BLOC1S3: variants seen among roughly 807,000 people sequenced by gnomAD.
BLOC1S3 encodes biogenesis of lysosome-related organelles complex 1 subunit 3.
A neutral mutation model predicts 9.1 loss-of-function variants in BLOC1S3; 7 were observed. The ratio of observed to expected loss-of-function variants is 0.77; its 90% CI spans 0.44 to 1.45. BLOC1S3 has a LOEUF of 1.45. Among genes scored for constraint, BLOC1S3 ranks in the 40% most tolerant of loss-of-function variants. The probability of loss-of-function intolerance (pLI) is 0.01; values close to 1 mark genes in which losing one functional copy is unlikely to be tolerated. For missense variants in BLOC1S3, 307 were observed against 315.2 expected, an observed-to-expected ratio of 0.97 and a Z score of 0.20; for synonymous variants, 145 against 158.4, an observed-to-expected ratio of 0.92 and a Z score of 0.64.
chr19:45,187,872 T>TA lies in BLOC1S3; in HGVS notation n.180+134dup, dbSNP rs557891990. 198 of 152,264 alleles carry TA rather than the reference T, an allele frequency of 1.3e-3. 1 individual carries two copies. The highest frequency in any genetic ancestry group is 4.6e-3 in the African/African-American group (192 of 41,526). 9.4% of individuals were successfully genotyped at this position (152,264 alleles called of 1,614,324 possible). A position where few individuals can be genotyped will look rare whatever the true frequency, so the allele number is the denominator to read the frequency against. ...CCCTCCCGTGCACTTTATTTTTTTT[T>TA]AATTTTTTAATTTTTTGTGGGTACA... On this transcript the variant is annotated intron_variant and non_coding_transcript_variant, in intron 2 of 3. Coordinates refer to the BLOC1S3 transcript ENST00000591569.
rs1969478267 is a variant in BLOC1S3, at chr19:45,179,550, T to A, written c.254T>A (p.Val85Glu). 6.6e-7 allele frequency: 1 copy of A among 1,519,404 alleles called. No individual in the cohort carries two copies. Among genetic ancestry groups the A allele is most frequent in the African/African-American group, 1.4e-5 (1 of 70,334 alleles). 94.1% of individuals were successfully genotyped at this position (1,519,404 alleles called of 1,614,324 possible). ...AAPRDLPPLV[V>E]QRESAEEAWG... ...CCGAGGGACCTGCCTCCACTCGTGG[T>A]GCAGCGGGAATCGGCGGAGGAGGCC... Residue 85 changes from valine (V) to glutamate (E), a missense_variant, in exon 2 of 2, where the codon GTG (valine) becomes GAG (glutamate). Transcript: ENST00000433642. The surrounding 1 kb of genome is among the most constrained non-coding windows in gnomAD (Gnocchi z 4.6).
At chr19:45,196,401 A>G (rs1478809553) in intron 2 of BLOC1S3, among the ~76,000 whole-genome samples, 4 of 151,940 alleles carry the variant, frequency 2.6e-5, no homozygotes, top group Non-Finnish European at 5.9e-5. Context: ...CATGGTGTCC[A>G]TGGTCCAGGT....
intron 3 of BLOC1S3, among the ~76,000 whole-genome samples, chr19:45,208,444 TAAAAATACAAAAATTA>T (rs889091403): frequency 6.6e-6 from 1 of 151,700 alleles, no homozygotes; most frequent in Non-Finnish European, 1.5e-5. Flanking sequence ...CTGTCTCTGC[TAAAAATACAAAAATTA>T]GCTGGGCGTG....
At chr19:45,200,289 C>G (rs1379079377) in intron 2 of BLOC1S3, among the ~76,000 whole-genome samples, 2 of 151,748 alleles carry the variant, frequency 1.3e-5, no homozygotes, top group African/African-American at 4.8e-5. Flanking sequence ...TCATGCCATC[C>G]TCCTGCCTCA....
At chr19:45,204,878 T>C (rs902348391) in intron 3 of BLOC1S3, among the ~76,000 whole-genome samples, 5 of 151,396 alleles carry the variant, frequency 3.3e-5, no homozygotes, top group African/African-American at 4.8e-5. Context: ...ATTACAGGCA[T>C]GCACCACCAT....
chr19:45,206,725 G>A (rs556016569), intron 3 of BLOC1S3, among the ~76,000 whole-genome samples: 2 of 151,198 alleles, frequency 1.3e-5, no homozygotes, highest in South Asian at 4.2e-4. Context: ...CCTCCCAAAG[G>A]GCTAGGATTA....
chr19:45,215,231 G>A (rs1969820476), intron 3 of BLOC1S3, among the ~76,000 whole-genome samples: 2 of 152,158 alleles, frequency 1.3e-5, no homozygotes, highest in Admixed American at 1.3e-4. Flanking sequence ...CCATTCGTGG[G>A]AAGCCGAGGC....
chr19:45,179,497 G>C lies in BLOC1S3; in HGVS notation c.201G>C (p.Pro67=), dbSNP rs559013816. 1.3e-6 allele frequency: 2 copies of C among 1,523,464 alleles called. No homozygotes were observed. The highest frequency in any genetic ancestry group is 1.8e-6 in the Non-Finnish European group (2 of 1,142,624). The allele number at this position is 1,523,464 out of a possible 1,614,324, so 94.4% of individuals were successfully genotyped here. The change falls in exon 2 of 2, where the codon CCG becomes CCC. Residue 67 remains proline (P), a synonymous_variant. Coordinates refer to ENST00000433642, the MANE Select transcript of BLOC1S3 (RefSeq NM_212550.5). The surrounding 1 kb of genome is among the most constrained non-coding windows in gnomAD (Gnocchi z 4.6). The stretch of plus-strand genomic sequence containing the variant: ...AAGCCGCGGAGACCGACTCGGAGCC[G>C]GAGCCGGAGCCGGAACCGACGGCCG... ...AGEAAETDSE[P]EPEPEPTAAP...
intron 3 of BLOC1S3, among the ~76,000 whole-genome samples, chr19:45,209,347 C>A (rs1969750680): frequency 6.6e-6 from 1 of 152,120 alleles, no homozygotes. Context: ...CTGCGCCTGA[C>A]CAACTACAGT....
rs767819779 is a variant in BLOC1S3, at chr19:45,179,348, G to C, written c.52G>C (p.Val18Leu). 3 of 1,587,262 alleles carry C rather than the reference G, an allele frequency of 1.9e-6. No homozygotes were observed. The highest frequency in any genetic ancestry group is 1.1e-5 in the South Asian group (1 of 89,114). The stretch of plus-strand genomic sequence containing the variant: ...GCCCCTGCGGAGGCCGGAGACGGTG[G>C]TGCCGGGGGAGGCGACCGAGACGGA... ...RRPLRRPETV[V>L]PGEATETDSE... The change falls in exon 2 of 2, where the codon GTG becomes CTG. Residue 18 changes from valine to leucine, a missense_variant. Coordinates refer to ENST00000433642, the MANE Select transcript of BLOC1S3 (RefSeq NM_212550.5). The surrounding 1 kb of genome is among the most constrained non-coding windows in gnomAD (Gnocchi z 4.6).
At chr19:45,213,750 G>C (rs1969804128) in intron 3 of BLOC1S3, among the ~76,000 whole-genome samples, 2 of 151,524 alleles carry the variant, frequency 1.3e-5, no homozygotes, top group African/African-American at 4.8e-5. Context: ...TTCGAGACCA[G>C]CCTGGCCAAC....
rs773311661 is a variant in BLOC1S3 at position 45,179,784 on chromosome 19, C to A, written c.488C>A (p.Ala163Glu). 32 of 1,567,304 alleles carry A rather than the reference C, an allele frequency of 2.0e-5. No homozygotes were observed. The highest frequency in any genetic ancestry group is 2.6e-5 in the Non-Finnish European group (30 of 1,162,560). The part of the protein sequence containing the change: ...GLAAAHSVRL[A>E]RGDLCALAER... The stretch of plus-strand genomic sequence containing the variant: ...GCGGCGGCCCACAGCGTGCGCCTGG[C>A]GCGCGGGGACCTTTGTGCGCTGGCC... Residue 163 changes from alanine (A) to glutamate (E), a missense_variant, in exon 2 of 2, where the codon GCG becomes GAG. Physicochemically the swap from Ala to Glu is moderately radical, Grantham distance 107. Coordinates refer to ENST00000433642, the MANE Select transcript of BLOC1S3 (RefSeq NM_212550.5). This position sits in a 1 kb window ranked among gnomAD's most constrained non-coding sequence, Gnocchi z 4.6.
At chr19:45,196,107 G>A (rs775063937) in intron 2 of BLOC1S3, among the ~76,000 whole-genome samples, 2 of 152,212 alleles carry the variant, frequency 1.3e-5, no homozygotes, top group Non-Finnish European at 2.9e-5. Flanking sequence ...TGGGTATCTT[G>A]GAAAGAAACA....
At chr19:45,204,006 A>G (rs2122930626) in intron 3 of BLOC1S3, among the ~76,000 whole-genome samples, 1 of 152,044 alleles carries the variant, frequency 6.6e-6, no homozygotes, top group Non-Finnish European at 1.5e-5. Flanking sequence ...GGGTTTAACC[A>G]GTCGATTCTT....
chr19:45,211,944 G>T (rs1969775906), intron 3 of BLOC1S3, among the ~76,000 whole-genome samples: 1 of 152,132 alleles, frequency 6.6e-6, no homozygotes, highest in South Asian at 2.1e-4. Flanking sequence ...CGGCGGGGCT[G>T]GGGGTGAGAG....
rs983162563 is a variant in BLOC1S3, at chr19:45,178,850, G to C, written c.-10+19G>C. 2.4e-5 allele frequency: 4 copies of C among 163,806 alleles called. No homozygotes were observed. The highest frequency in any genetic ancestry group is 9.5e-5 in the African/African-American group (4 of 41,950). The allele number at this position is 163,806 out of a possible 1,614,324, so 10.1% of individuals were successfully genotyped here. ...CTGCCGGGTACGGTCTTTGGCGTTA[G>C]CGCTTCTCCCATCCCATGAGTGCCC... On this transcript the variant is annotated intron_variant, in intron 1 of 1. Transcript: ENST00000433642.
intron 2 of BLOC1S3, among the ~76,000 whole-genome samples, chr19:45,189,771 T>C (rs1259070285): frequency 6.6e-6 from 1 of 152,086 alleles, no homozygotes; most frequent in Non-Finnish European, 1.5e-5. Flanking sequence ...CTTGGTGTTC[T>C]ATAACCTTCT....
intron 2 of BLOC1S3, among the ~76,000 whole-genome samples, chr19:45,188,649 T>G (rs1403526217): frequency 6.6e-6 from 1 of 151,082 alleles, no homozygotes; most frequent in Non-Finnish European, 1.5e-5. Context: ...CTTGGCTCAT[T>G]GCAACCTGTG....
chr19:45,188,758 G>C (rs925134904), intron 2 of BLOC1S3, among the ~76,000 whole-genome samples: 3 of 151,708 alleles, frequency 2.0e-5, no homozygotes, highest in African/African-American at 7.3e-5. Context: ...ATTTAGTAGA[G>C]ACGGGGTTTC....
Sources: gnomAD v4.1 joint callset for allele counts (sites outside exome capture counted in the v4.1 genomes callset) on GRCh38, gnomAD v4.1.1 for gene constraint, Gnocchi (gnomAD v3.1) non-coding constraint, MANE v1.5 for transcripts, NCBI Gene and HGNC (gene_info 2026-07-23, HGNC 2026-07-21) for gene names.